Variants in MTMR7 observed in about 807,000 individuals in gnomAD.
The protein encoded by MTMR7 is myotubularin related protein 7, also known as phosphatidylinositol-3-phosphate phosphatase MTMR7.
Under a neutral mutation model 81.2 loss-of-function variants are expected in MTMR7, and 76 were observed. That is an observed-to-expected ratio of 0.94 (90% CI 0.78 to 1.13). The LOEUF is 1.13. Among genes scored for constraint, MTMR7 ranks in the 50% most tolerant of loss-of-function variants. MTMR7 has a pLI of 0.00. For synonymous variants in MTMR7, 372 were observed against 289.8 expected (o/e 1.28, Z -2.88); for missense variants, 1,044 against 820.0 (o/e 1.27, Z -3.34).
At chr8:17,319,922 A>G (rs939485237) in intron 7 of MTMR7, among the ~76,000 whole-genome samples, 1 of 152,190 alleles carries the variant, frequency 6.6e-6, no homozygotes, top group African/African-American at 2.4e-5. Context: ...AGGACTCACT[A>G]GTCACATGTG....
At chr8:17,409,426 T>C (rs1821681335) in intron 1 of MTMR7, among the ~76,000 whole-genome samples, 1 of 123,066 alleles carries the variant, frequency 8.1e-6, no homozygotes, top group South Asian at 2.8e-4. Flanking sequence ...ATCACACCAG[T>C]GCACTCCAGC....
At chr8:17,380,515 C>T (rs182205763) in intron 1 of MTMR7, among the ~76,000 whole-genome samples, 118 of 151,258 alleles carry the variant, frequency 7.8e-4, no homozygotes, top group Admixed American at 2.8e-3. Context: ...TGGAAGAAGA[C>T]GAACTGTATT....
chr8:17,324,008 C>T (rs1379738410), intron 7 of MTMR7, among the ~76,000 whole-genome samples: 1 of 152,180 alleles, frequency 6.6e-6, no homozygotes, highest in African/African-American at 2.4e-5. Flanking sequence ...ACTATTCTCT[C>T]ATTAAATAAC....
intron 7 of MTMR7, among the ~76,000 whole-genome samples, chr8:17,315,490 G>A (rs1365265492): frequency 6.6e-6 from 1 of 152,228 alleles, no homozygotes; most frequent in Non-Finnish European, 1.5e-5. Flanking sequence ...ATGTGCCAAT[G>A]TAGGTGCACT....
At chr8:17,325,128 C>A (rs1818614748) in intron 7 of MTMR7, among the ~76,000 whole-genome samples, 1 of 152,028 alleles carries the variant, frequency 6.6e-6, no homozygotes. Flanking sequence ...TCGGAACCGA[C>A]AGCCACAGCC....
At chr8:17,392,343 G>T (rs1042007786) in intron 1 of MTMR7, among the ~76,000 whole-genome samples, 2 of 152,092 alleles carry the variant, frequency 1.3e-5, no homozygotes, top group African/African-American at 4.8e-5. Context: ...AATAAATAAT[G>T]GCTCAAGTAG....
chr8:17,312,877 T>C (rs1360502162), intron 8 of MTMR7, among the ~76,000 whole-genome samples: 3 of 152,196 alleles, frequency 2.0e-5, no homozygotes, highest in Non-Finnish European at 4.4e-5. Context: ...CAGCGACATT[T>C]TCCTATGGCG....
At chr8:17,381,542 T>C (rs975648630) in intron 1 of MTMR7, among the ~76,000 whole-genome samples, 9 of 152,166 alleles carry the variant, frequency 5.9e-5, no homozygotes, top group African/African-American at 1.9e-4. Context: ...AGTTGCTCCG[T>C]AGGATGAGGA....
In MTMR7 at chr8:17,302,190, A is replaced by G. The variant is rs373353287; in HGVS notation, c.1584T>C (p.Thr528=). ...CCTCTAGTTCTTCCTCTAGCTGCTG[A>G]GTTTCTTCCTTCACTGCCATTAGGT... The part of the protein sequence containing the change: ...TDYLMAVKEE[T]QQLEEELEAL... Residue 528 remains threonine, a synonymous_variant, in exon 13 of 14, where the codon ACT becomes ACC. Transcript: ENST00000180173. 6.2e-7 allele frequency: 1 copy of G among 1,613,974 alleles called. No homozygotes were observed. Among genetic ancestry groups the G allele is most frequent in the African/African-American group, 1.3e-5 (1 of 74,906 alleles).
chr8:17,392,260 A>G (rs1423742832), intron 1 of MTMR7, among the ~76,000 whole-genome samples: 2 of 152,216 alleles, frequency 1.3e-5, no homozygotes, highest in African/African-American at 4.8e-5. Context: ...GATGTAAGAC[A>G]GAAGTGATAA....
intron 5 of MTMR7, 48 bp downstream of exon 5, chr8:17,348,905 T>C (rs564076307): frequency 1.2e-6 from 2 of 1,610,222 alleles, no homozygotes; most frequent in Non-Finnish European, 8.5e-7. Context: ...CTGCTTATGA[T>C]AAACTAGAAA....
At chr8:17,409,343 C>T (rs528118462) in intron 1 of MTMR7, among the ~76,000 whole-genome samples, 2 of 152,084 alleles carry the variant, frequency 1.3e-5, no homozygotes, top group South Asian at 4.2e-4. Flanking sequence ...GCTTGTAGCC[C>T]CAGCTACTCG....
chr8:17,387,375 G>C (rs772792960), intron 1 of MTMR7, among the ~76,000 whole-genome samples: 7 of 152,202 alleles, frequency 4.6e-5, no homozygotes, highest in Non-Finnish European at 8.8e-5. Context: ...GTTTCAAATA[G>C]ACTCACAATC....
At chr8:17,351,491 C>T (rs941499613) in intron 4 of MTMR7, among the ~76,000 whole-genome samples, 1 of 152,218 alleles carries the variant, frequency 6.6e-6, no homozygotes, top group African/African-American at 2.4e-5. Flanking sequence ...AGAAGACCAC[C>T]TCCTGCCCTC....
At chr8:17,300,427 C>G in intron 13 of MTMR7, 1 of 587,746 alleles carries the variant, frequency 1.7e-6, no homozygotes. Context: ...AAGGATAATA[C>G]CTGCCTTGAC....
chr8:17,389,715 C>T (rs977887423), intron 1 of MTMR7, among the ~76,000 whole-genome samples: 10 of 152,068 alleles, frequency 6.6e-5, no homozygotes, highest in African/African-American at 1.9e-4. Flanking sequence ...AAAGATTCAG[C>T]TGTGGAAGAT....
chr8:17,345,308 C>T (rs1209301549), intron 5 of MTMR7, among the ~76,000 whole-genome samples: 1 of 152,222 alleles, frequency 6.6e-6, no homozygotes, highest in Non-Finnish European at 1.5e-5. Context: ...GCCCGTCCCC[C>T]AGAAGCAGGT....
Position 17,413,256 on chromosome 8 carries a change from T to G in MTMR7, c.24+13A>C, listed in dbSNP as rs1197758432. ...CCTCCCGTCCCTCCTCCGCCCGCGC[T>G]GGTGTCACCAACCTTGGGCGTACGG... On this transcript the variant is annotated intron_variant, in intron 1 of 13. Coordinates refer to ENST00000180173, the MANE Select transcript of MTMR7 (RefSeq NM_004686.5). 6.5e-7 allele frequency: 1 copy of G among 1,547,940 alleles called. No individual in the cohort carries two copies. Among genetic ancestry groups the G allele is most frequent in the South Asian group, 1.2e-5 (1 of 83,978 alleles).
intron 4 of MTMR7, among the ~76,000 whole-genome samples, chr8:17,354,021 C>T (rs1454151605): frequency 1.3e-5 from 2 of 152,104 alleles, no homozygotes; most frequent in Non-Finnish European, 2.9e-5. Flanking sequence ...TAGAATCTTC[C>T]AGTAAATATA....
Sources: allele counts gnomAD v4.1 joint callset (sites outside exome capture counted in the v4.1 genomes callset), GRCh38; gene constraint gnomAD v4.1.1; transcripts MANE v1.5; gene names NCBI Gene and HGNC (gene_info 2026-07-23, HGNC 2026-07-21).